RAD23B: variants seen among roughly 807,000 people sequenced by gnomAD.
The protein encoded by RAD23B is lysine-specific demethylase RAD23B.
A neutral mutation model predicts 49.1 loss-of-function variants in RAD23B; 5 were observed. That is an observed-to-expected ratio of 0.10 (90% CI 0.05 to 0.21). The LOEUF (loss-of-function observed/expected upper bound fraction) is 0.21, where lower values mean the gene tolerates loss of function less well. RAD23B is among the 10% of genes least tolerant of loss of function. The probability of loss-of-function intolerance (pLI) is 1.00; values close to 1 mark genes in which losing one functional copy is unlikely to be tolerated. For synonymous variants in RAD23B, 184 were observed against 165.4 expected, an observed-to-expected ratio of 1.11 and a Z score of -0.86; for missense variants, 356 against 486.7, an observed-to-expected ratio of 0.73 and a Z score of 2.53.
At chr9:107,320,553 C>T (rs1180327086) in intron 6 of RAD23B, among the ~76,000 whole-genome samples, 2 of 150,756 alleles carry the variant, frequency 1.3e-5, no homozygotes, top group South Asian at 2.1e-4. Flanking sequence ...TATATATTTG[C>T]TCTTTGTTTC....
chr9:107,283,816 G>A (rs1564236861), intron 1 of RAD23B, 121 bp downstream of exon 1: 2 of 988,254 alleles, frequency 2.0e-6, no homozygotes, highest in Non-Finnish European at 2.6e-6. Context: ...TGAGGGCCCT[G>A]GGTCCTGGTG....
intron 1 of RAD23B, among the ~76,000 whole-genome samples, chr9:107,284,464 CAGT>C (rs11573617): frequency 0.091 from 13,716 of 151,158 alleles, 796 homozygotes; most frequent in South Asian, 0.15. Context: ...ATGCCCCAAA[CAGT>C]AGCAGTTCAA....
chr9:107,317,095 CGT>C (rs10603112), intron 5 of RAD23B, among the ~76,000 whole-genome samples: 4,634 of 149,952 alleles, frequency 0.031, 81 homozygotes, highest in South Asian at 0.053. Flanking sequence ...CACACGCGTG[CGT>C]GTGTGTGTGT....
At chr9:107,319,282 C>A (rs1173806685) in intron 6 of RAD23B, among the ~76,000 whole-genome samples, 1 of 151,956 alleles carries the variant, frequency 6.6e-6, no homozygotes, top group African/African-American at 2.4e-5. Flanking sequence ...AGGCGCCTGC[C>A]ACCATGCTCG....
chr9:107,302,162 T>A, intron 3 of RAD23B, 48 bp downstream of exon 3: 1 of 1,606,140 alleles, frequency 6.2e-7, no homozygotes, highest in Non-Finnish European at 8.5e-7. Context: ...TAGGTCTTTT[T>A]AAAAATGATG....
At chr9:107,307,905 T>C (rs1826811358) in intron 4 of RAD23B, among the ~76,000 whole-genome samples, 1 of 152,200 alleles carries the variant, frequency 6.6e-6, no homozygotes, top group Non-Finnish European at 1.5e-5. Context: ...CTTTCCCATG[T>C]ACAACTAGAA....
At chr9:107,301,711 A>ATT (rs112842496) in intron 2 of RAD23B, among the ~76,000 whole-genome samples, 1 of 148,224 alleles carries the variant, frequency 6.7e-6, no homozygotes, top group African/African-American at 2.5e-5. Flanking sequence ...CTAATTTTGA[A>ATT]TTTTTTTTTT....
chr9:107,292,708 G>T (rs1184434876), intron 1 of RAD23B, among the ~76,000 whole-genome samples: 1 of 146,382 alleles, frequency 6.8e-6, no homozygotes, highest in Non-Finnish European at 1.5e-5. Context: ...AGCCTGGTCA[G>T]TACTTACACA....
chr9:107,304,058 G>A (rs1457160152), intron 3 of RAD23B, among the ~76,000 whole-genome samples: 1 of 152,080 alleles, frequency 6.6e-6, no homozygotes, highest in Non-Finnish European at 1.5e-5. Flanking sequence ...CTATGAAAAG[G>A]GAGGGAATGC....
intron 1 of RAD23B, among the ~76,000 whole-genome samples, chr9:107,292,006 G>A (rs1404094880): frequency 1.3e-5 from 2 of 152,096 alleles, no homozygotes; most frequent in Non-Finnish European, 2.9e-5. Context: ...AATGAGAATG[G>A]CTTTTGCCAT....
intron 1 of RAD23B, chr9:107,284,238 C>T (rs1182415689): frequency 3.0e-6 from 3 of 984,716 alleles, no homozygotes; most frequent in Non-Finnish European, 1.2e-6. Flanking sequence ...AATTGTTTAC[C>T]CTTTTATTTG....
At chr9:107,293,787 G>C (rs903768901) in intron 1 of RAD23B, among the ~76,000 whole-genome samples, 2 of 152,118 alleles carry the variant, frequency 1.3e-5, no homozygotes, top group Non-Finnish European at 2.9e-5. Flanking sequence ...AATGAAAAAT[G>C]ACTGCTTTTT....
chr9:107,297,254 T>A (rs1207641317), intron 1 of RAD23B, among the ~76,000 whole-genome samples: 2 of 152,210 alleles, frequency 1.3e-5, no homozygotes, highest in African/African-American at 4.8e-5. Flanking sequence ...ACATTTTTAG[T>A]GTTTAGTCTA....
chr9:107,330,150 G>C lies in RAD23B; in HGVS notation c.*494G>C, dbSNP rs546191875. 2.0e-5 allele frequency: 3 copies of C among 152,668 alleles called. No homozygotes were observed. Among genetic ancestry groups the C allele is most frequent in the African/African-American group, 7.2e-5 (3 of 41,544 alleles). 9.5% of individuals were successfully genotyped at this position (152,668 alleles called of 1,614,324 possible). A position where few individuals can be genotyped will look rare whatever the true frequency, so the allele number is the denominator to read the frequency against. ...AGAAATGCCAAATTGATGGTTAATT[G>C]TTGCTGCTTCAAAAATAAGTATAAA... On this transcript the variant is annotated 3_prime_UTR_variant, in exon 10 of 10. Transcript: ENST00000358015. The surrounding 1 kb of genome is among the most constrained non-coding windows in gnomAD (Gnocchi z 4.4).
rs781597689 is a variant in RAD23B, at chr9:107,325,066, G to A, written c.1116+62G>A. The A allele has an allele frequency of 2.9e-5, 44 of 1,511,268 alleles. No homozygotes were observed. In the East Asian group the frequency reaches 4.7e-4, roughly 16 times the overall value. The allele number at this position is 1,511,268 out of a possible 1,614,324, so 93.6% of individuals were successfully genotyped here. A position where few individuals can be genotyped will look rare whatever the true frequency, so the allele number is the denominator to read the frequency against. On this transcript the variant is annotated intron_variant, in intron 9 of 9. Transcript: ENST00000358015. ...GGCTGGGCTCATGCCTGTAATTCCA[G>A]CACTTTGGGAGGCCAAGGCAGGTGG...
chr9:107,313,407 A>C (rs1826928672), intron 5 of RAD23B, among the ~76,000 whole-genome samples: 1 of 152,048 alleles, frequency 6.6e-6, no homozygotes, highest in South Asian at 2.1e-4. Flanking sequence ...GTGTATTTTT[A>C]GTAGAGATGG....
At chr9:107,306,324 G>C in intron 3 of RAD23B, 55 bp from the exon 4 acceptor site, 1 of 1,527,888 alleles carries the variant, frequency 6.5e-7, no homozygotes, top group South Asian at 1.2e-5. Flanking sequence ...TCTAATTAGA[G>C]ATCAGGCAGT....
Position 107,329,712 on chromosome 9 carries a change from C to A in RAD23B, c.*56C>A. The A allele has an allele frequency of 9.9e-7, 1 of 1,006,850 alleles. No homozygotes were observed. Among genetic ancestry groups the A allele is most frequent in the Non-Finnish European group, 1.4e-6 (1 of 702,066 alleles). 62.4% of individuals were successfully genotyped at this position (1,006,850 alleles called of 1,614,324 possible). A position where few individuals can be genotyped will look rare whatever the true frequency, so the allele number is the denominator to read the frequency against. On this transcript the variant is annotated 3_prime_UTR_variant, in exon 10 of 10. Transcript: ENST00000358015. ...CCAGTGCATTACACTAACTTGTTCA[C>A]TGGATTGTCTGGGATGACTTGGGCT... is the stretch of plus-strand genomic sequence containing the variant.
rs569103813 is a variant in RAD23B at position 107,295,669 on chromosome 9, A to G, written c.67-4472A>G. 2.6e-5 allele frequency among the ~76,000 whole-genome samples: 4 copies of G among 152,314 alleles called. No individual in the cohort carries two copies. In the South Asian group the frequency reaches 8.3e-4, roughly 32 times the overall value. On this transcript the variant is annotated intron_variant, in intron 1 of 9. Coordinates refer to ENST00000358015, the MANE Select transcript of RAD23B (RefSeq NM_002874.5). The stretch of plus-strand genomic sequence containing the variant: ...TGGAGGATGGAGAAGAGGGCTAACT[A>G]GGGGGAACAGAAGATTTAGTGTATC...
Sources: gnomAD v4.1 joint callset for allele counts (sites outside exome capture counted in the v4.1 genomes callset) on GRCh38, gnomAD v4.1.1 for gene constraint, Gnocchi (gnomAD v3.1) non-coding constraint, MANE v1.5 for transcripts, NCBI Gene and HGNC (gene_info 2026-07-23, HGNC 2026-07-21) for gene names.